ANKMY2: variants seen among roughly 807,000 people sequenced by gnomAD.
ANKMY2 encodes the protein ankyrin repeat and MYND domain containing 2.
In ANKMY2, 36 loss-of-function variants were observed where a neutral mutation model predicts 50.4. The observed-to-expected ratio is 0.71, with a 90% confidence interval of 0.55 to 0.94. ANKMY2 has a LOEUF of 0.94. Ranked by LOEUF, ANKMY2 falls within the 40% of genes least tolerant of loss-of-function variation. The probability of loss-of-function intolerance (pLI) is 0.00; values close to 1 mark genes in which losing one functional copy is unlikely to be tolerated. For missense variants in ANKMY2, 565 were observed against 524.0 expected, an observed-to-expected ratio of 1.08 and a Z score of -0.76; for synonymous variants, 187 against 178.8, an observed-to-expected ratio of 1.05 and a Z score of -0.36.
intron 1 of ANKMY2, chr7:16,644,652 T>A (rs1487702023): frequency 6.4e-6 from 3 of 470,828 alleles, no homozygotes; most frequent in South Asian, 4.6e-5. Flanking sequence ...ACCGTGAGGG[T>A]GCAGAAGAAG....
At chr7:16,618,205 C>T (rs1444375650) in intron 4 of ANKMY2, among the ~76,000 whole-genome samples, 6 of 152,030 alleles carry the variant, frequency 3.9e-5, no homozygotes, top group Non-Finnish European at 7.4e-5. Context: ...GGATTACAGG[C>T]GTGAGCCACC....
intron 2 of ANKMY2, among the ~76,000 whole-genome samples, chr7:16,636,026 C>T (rs533963942): frequency 6.6e-6 from 1 of 152,160 alleles, no homozygotes; most frequent in African/African-American, 2.4e-5. Context: ...GATTTGAAGG[C>T]TGAGCGTGGT....
chr7:16,637,407 C>T (rs1781678413), intron 1 of ANKMY2, among the ~76,000 whole-genome samples: 2 of 152,106 alleles, frequency 1.3e-5, no homozygotes, highest in Admixed American at 1.3e-4. Flanking sequence ...TTCTCTCTGA[C>T]CCACTTCTTA....
intron 1 of ANKMY2, among the ~76,000 whole-genome samples, chr7:16,643,864 C>CAAA (rs35460495): frequency 1.0e-5 from 1 of 100,242 alleles, no homozygotes; most frequent in African/African-American, 3.8e-5. Flanking sequence ...CCCATCTCTA[C>CAAA]AAAAAAAAAA....
intron 2 of ANKMY2, among the ~76,000 whole-genome samples, chr7:16,630,715 C>T (rs1251291247): frequency 6.6e-6 from 1 of 152,114 alleles, no homozygotes; most frequent in Non-Finnish European, 1.5e-5. Flanking sequence ...GATGGTGATA[C>T]AAGTGCTGGA....
chr7:16,636,318 A>G, intron 2 of ANKMY2, 73 bp downstream of exon 2: 1 of 847,106 alleles, frequency 1.2e-6, no homozygotes, highest in South Asian at 2.1e-5. Flanking sequence ...AAAAAAAAAA[A>G]AAAAAAAAAA....
intron 8 of ANKMY2, 36 bp from the exon 9 acceptor site, chr7:16,602,545 G>T (rs753452445): frequency 2.9e-5 from 47 of 1,596,038 alleles, no homozygotes; most frequent in Non-Finnish European, 3.9e-5. Flanking sequence ...CATTTCCAGA[G>T]CTTGGGTTGT....
intron 2 of ANKMY2, among the ~76,000 whole-genome samples, chr7:16,634,683 T>G (rs1276531861): frequency 6.6e-6 from 1 of 151,882 alleles, no homozygotes; most frequent in East Asian, 1.9e-4. Context: ...CCAGGAAGAG[T>G]GCCTGTTCCC....
At chr7:16,621,099 G>A (rs57148374) in intron 4 of ANKMY2, among the ~76,000 whole-genome samples, 10 of 151,990 alleles carry the variant, frequency 6.6e-5, no homozygotes, top group African/African-American at 1.2e-4. Flanking sequence ...GCTAGAAAAC[G>A]CAGTAAACTG....
chr7:16,616,235 C>T (rs1173430962), intron 4 of ANKMY2, among the ~76,000 whole-genome samples: 1 of 152,114 alleles, frequency 6.6e-6, no homozygotes. Flanking sequence ...GTCTCTTCTT[C>T]CCAGCCTACG....
chr7:16,604,857 G>A lies in ANKMY2; in HGVS notation c.883-8C>T, dbSNP rs867926925. ...TGCAGTGGGATCAGAACCCTAGAGTGGGCATGAAGAGGAGAAAAAACAAAT... is the reference window on the plus strand; with the variant it reads ...TGCAGTGGGATCAGAACCCTAGAGTAGGCATGAAGAGGAGAAAAAACAAAT... On this transcript the variant is annotated splice_polypyrimidine_tract_variant and splice_region_variant and intron_variant, in intron 7 of 9. Coordinates refer to ENST00000306999, the MANE Select transcript of ANKMY2 (RefSeq NM_020319.3). 7 of 1,596,904 alleles carry A rather than the reference G, an allele frequency of 4.4e-6. No homozygotes were observed. The Middle Eastern group carries it at 6.7e-4, about 153-fold the overall frequency.
At position 16,615,787 on chromosome 7, in the gene ANKMY2, G is replaced by A. The variant is rs201106976; in HGVS notation, c.488C>T (p.Pro163Leu). 240 of 1,614,158 alleles carry A rather than the reference G, an allele frequency of 1.5e-4. No individual in the cohort carries two copies. Among genetic ancestry groups the A allele is most frequent in the South Asian group, 2.1e-4 (19 of 91,072 alleles). The change falls in exon 5 of 10, where the codon CCG (proline) becomes CTG (leucine). Residue 163 changes from proline to leucine, a missense_variant. Pro to Leu is a moderately conservative substitution (Grantham distance 98, BLOSUM62 -3). Transcript: ENST00000306999. ...CGTTGTGGTGATAATTTTGTGCAGC[G>A]GGCCTGCCAACTTTGGGGGCAGTTT... is the stretch of plus-strand genomic sequence containing the variant. ...EPKLPPKLAGPLHKIITTTNL... is the reference protein window; with the variant it reads ...EPKLPPKLAGLLHKIITTTNL...
Position 16,645,697 on chromosome 7 carries a change from G to C in ANKMY2, c.-124C>G. ...AGACCAAGACACTGAGTAGCCAACCGCGGAAACGCTTCGCTTCTCTCCTCC... is the reference window on the plus strand; with the variant it reads ...AGACCAAGACACTGAGTAGCCAACCCCGGAAACGCTTCGCTTCTCTCCTCC... On this transcript the variant is annotated 5_prime_UTR_variant, in exon 1 of 10. Coordinates refer to ENST00000306999, the MANE Select transcript of ANKMY2 (RefSeq NM_020319.3). The C allele has an allele frequency of 9.4e-7, 1 of 1,063,702 alleles. No homozygotes were observed. The highest frequency in any genetic ancestry group is 1.3e-6 in the Non-Finnish European group (1 of 760,682). The allele number at this position is 1,063,702 out of a possible 1,614,324, so 65.9% of individuals were successfully genotyped here.
In ANKMY2 at chr7:16,627,037, C is replaced by T. The variant is rs542981041; in HGVS notation, c.271+3G>A. ...CTTATATTTATAAATACTAAAACTT[C>T]ACCAGAAAGTGCAGCAAACATGAGG... On this transcript the variant is annotated splice_donor_region_variant and intron_variant, in intron 3 of 9. Coordinates refer to ENST00000306999, the MANE Select transcript of ANKMY2 (RefSeq NM_020319.3). 1.8e-4 allele frequency: 283 copies of T among 1,593,196 alleles called. 5 individuals are homozygous for T. The South Asian group carries it at 3.1e-3, about 18-fold the overall frequency.
intron 4 of ANKMY2, among the ~76,000 whole-genome samples, chr7:16,624,055 A>G (rs957128051): frequency 1.1e-4 from 16 of 152,254 alleles, no homozygotes; most frequent in Non-Finnish European, 7.4e-5. Flanking sequence ...GGAGCTCTGA[A>G]GTTCTACCTT....
At chr7:16,630,169 G>T (rs1005568428) in intron 2 of ANKMY2, among the ~76,000 whole-genome samples, 13 of 152,050 alleles carry the variant, frequency 8.5e-5, no homozygotes, top group African/African-American at 3.1e-4. Context: ...AACTAGAAAG[G>T]TAGTGATAAA....
intron 3 of ANKMY2, among the ~76,000 whole-genome samples, chr7:16,625,979 CTTT>C (rs536879249): frequency 5.5e-4 from 57 of 103,108 alleles, no homozygotes; most frequent in Admixed American, 1.9e-3. Context: ...TATAAGAAGT[CTTT>C]TTTTTTTTTT....
intron 4 of ANKMY2, 103 bp from the exon 5 acceptor site, chr7:16,616,007 C>A: frequency 3.7e-6 from 4 of 1,072,524 alleles, no homozygotes; most frequent in Admixed American, 2.9e-5. Flanking sequence ...AAACATGCAC[C>A]AATATCTTTA....
chr7:16,616,553 G>C (rs367543653), intron 4 of ANKMY2, among the ~76,000 whole-genome samples: 5 of 139,162 alleles, frequency 3.6e-5, no homozygotes, highest in East Asian at 2.1e-4. Context: ...CTGCTGGTTT[G>C]CAAGTGTGCT....
Sources: gnomAD v4.1 joint callset for allele counts (sites outside exome capture counted in the v4.1 genomes callset) on GRCh38, gnomAD v4.1.1 for gene constraint, MANE v1.5 for transcripts, NCBI Gene and HGNC (gene_info 2026-07-23, HGNC 2026-07-21) for gene names.